The following KLF12 variants were observed in gnomAD, a reference collection of about 807,000 sequenced individuals.
KLF12 encodes the protein KLF transcription factor 12.
KLF12 carries 9 observed loss-of-function variants against 37.8 expected under a neutral mutation model. That is an observed-to-expected ratio of 0.24 (90% CI 0.14 to 0.42). The LOEUF is 0.42. Among genes scored for constraint, KLF12 ranks in the 10% least tolerant of loss-of-function variants. The pLI, the probability that KLF12 is intolerant of heterozygous loss-of-function variation, is 1.00. For synonymous variants in KLF12, 208 were observed against 202.1 expected (o/e 1.03, Z -0.25); for missense variants, 411 against 516.0 (o/e 0.80, Z 1.97).
chr13:73,724,430 T>C (rs534405598), intron 6 of KLF12, among the ~76,000 whole-genome samples: 1 of 152,268 alleles, frequency 6.6e-6, no homozygotes, highest in South Asian at 2.1e-4. Context: ...TTTTATTGCT[T>C]GGGTAGGATT....
At chr13:74,210,662 T>C in the KLF12 span, among the ~76,000 whole-genome samples, 1 of 152,200 alleles carries the variant, frequency 6.6e-6, no homozygotes, top group African/African-American at 2.4e-5. Context: ...TTAGGAATTA[T>C]CTATAACTTT....
At chr13:73,862,930 T>C (rs781478368) in intron 3 of KLF12, among the ~76,000 whole-genome samples, 8 of 152,186 alleles carry the variant, frequency 5.3e-5, no homozygotes, top group Non-Finnish European at 1.0e-4. Context: ...TGATTCATTT[T>C]CTTCTTAGCA....
chr13:74,217,825 A>T, the KLF12 span, among the ~76,000 whole-genome samples: 1 of 152,248 alleles, frequency 6.6e-6, no homozygotes, highest in African/African-American at 2.4e-5. Context: ...CAATGTATTC[A>T]TATGCTAGAT....
intron 3 of KLF12, among the ~76,000 whole-genome samples, chr13:73,906,455 T>C (rs1270804596): frequency 1.3e-5 from 2 of 152,200 alleles, no homozygotes; most frequent in African/African-American, 4.8e-5. Context: ...TGCCTCTTAA[T>C]CTATTCCATT....
At chr13:73,849,474 A>T (rs1331878391) in intron 3 of KLF12, among the ~76,000 whole-genome samples, 1 of 151,812 alleles carries the variant, frequency 6.6e-6, no homozygotes, top group East Asian at 1.9e-4. Context: ...AATGGCCACA[A>T]GGGGGAACGA....
intron 2 of KLF12, among the ~76,000 whole-genome samples, chr13:73,975,607 T>A (rs1891491939): frequency 6.6e-6 from 1 of 152,168 alleles, no homozygotes; most frequent in African/African-American, 2.4e-5. Flanking sequence ...ATCATCTCCA[T>A]TTCTTTCCGA....
At chr13:73,838,414 G>A (rs2138633129) in intron 4 of KLF12, among the ~76,000 whole-genome samples, 1 of 152,208 alleles carries the variant, frequency 6.6e-6, no homozygotes, top group East Asian at 1.9e-4. Flanking sequence ...AATATAGTAA[G>A]AAAGCAACAT....
the KLF12 span, among the ~76,000 whole-genome samples, chr13:74,221,141 A>C: frequency 3.3e-5 from 5 of 151,684 alleles, no homozygotes; most frequent in South Asian, 1.0e-3. Context: ...AGTAGCTGGG[A>C]CTACAAGCAC....
chr13:74,277,114 C>A, the KLF12 span, among the ~76,000 whole-genome samples: 3 of 152,202 alleles, frequency 2.0e-5, no homozygotes, highest in Non-Finnish European at 4.4e-5. Context: ...CATTCAATCT[C>A]ATTCTGGTTC....
At chr13:74,170,962 AC>A in the KLF12 span, among the ~76,000 whole-genome samples, 1 of 151,992 alleles carries the variant, frequency 6.6e-6, no homozygotes, top group Non-Finnish European at 1.5e-5. Flanking sequence ...ATGTGCTTTC[AC>A]CATGTTGGCC....
chr13:73,996,634 C>G (rs1291340789), intron 1 of KLF12, among the ~76,000 whole-genome samples: 1 of 152,186 alleles, frequency 6.6e-6, no homozygotes. Flanking sequence ...TAATTTGTGA[C>G]TTTTATTACG....
chr13:73,933,992 C>T (rs1319614025), intron 3 of KLF12, among the ~76,000 whole-genome samples: 1 of 152,100 alleles, frequency 6.6e-6, no homozygotes, highest in Non-Finnish European at 1.5e-5. Context: ...CACAGGACAA[C>T]TCCCTATTTC....
At chr13:73,750,185 T>C (rs538090790) in intron 6 of KLF12, among the ~76,000 whole-genome samples, 1 of 152,350 alleles carries the variant, frequency 6.6e-6, no homozygotes, top group Non-Finnish European at 1.5e-5. Context: ...TCCTCTGAAT[T>C]TGAGTATTTC....
intron 1 of KLF12, among the ~76,000 whole-genome samples, chr13:74,008,344 G>C (rs528596958): frequency 6.6e-6 from 1 of 152,140 alleles, no homozygotes; most frequent in Non-Finnish European, 1.5e-5. Context: ...AGCCACTCTT[G>C]TTTGGAGGAG....
chr13:74,276,153 A>C, the KLF12 span, among the ~76,000 whole-genome samples: 1 of 151,636 alleles, frequency 6.6e-6, no homozygotes, highest in Non-Finnish European at 1.5e-5. Flanking sequence ...AACAGGCCCC[A>C]GTGTGTGATG....
At chr13:73,744,687 G>A (rs1028297308) in intron 6 of KLF12, among the ~76,000 whole-genome samples, 7 of 152,134 alleles carry the variant, frequency 4.6e-5, no homozygotes, top group Non-Finnish European at 7.4e-5. Context: ...GAGGAGCAAC[G>A]CAGGGAAGGA....
intron 1 of KLF12, among the ~76,000 whole-genome samples, chr13:74,106,106 CTCAG>C (rs945312396): frequency 9.2e-5 from 14 of 152,178 alleles, no homozygotes; most frequent in African/African-American, 3.1e-4. Context: ...TCAAGACACT[CTCAG>C]TCAATTATAT....
intron 3 of KLF12, among the ~76,000 whole-genome samples, chr13:73,876,604 T>C (rs1047433271): frequency 1.4e-4 from 21 of 152,218 alleles, no homozygotes; most frequent in African/African-American, 4.8e-4. Context: ...TTTACGTGGC[T>C]TATAATTAGT....
chr13:74,153,284 T>A, the KLF12 span, among the ~76,000 whole-genome samples: 1 of 152,186 alleles, frequency 6.6e-6, no homozygotes, highest in Non-Finnish European at 1.5e-5. Flanking sequence ...CAGCTCATGA[T>A]TCTTTCTCAA....
Sources: allele counts gnomAD v4.1 joint callset (sites outside exome capture counted in the v4.1 genomes callset), GRCh38; gene constraint gnomAD v4.1.1; transcripts MANE v1.5; gene names NCBI Gene and HGNC (gene_info 2026-07-23, HGNC 2026-07-21).